IQCK: variants seen among roughly 807,000 people sequenced by gnomAD.
The protein encoded by IQCK is IQ motif containing K.
In IQCK, 29 loss-of-function variants were observed where a neutral mutation model predicts 28.1. The ratio of observed to expected loss-of-function variants is 1.03; its 90% CI spans 0.77 to 1.41. The LOEUF (loss-of-function observed/expected upper bound fraction) is 1.41, where lower values mean the gene tolerates loss of function less well. IQCK is among the 40% of genes most tolerant of loss of function. IQCK has a pLI of 0.00. For synonymous variants in IQCK, 113 were observed against 115.1 expected, an observed-to-expected ratio of 0.98 and a Z score of 0.12; for missense variants, 359 against 314.7, an observed-to-expected ratio of 1.14 and a Z score of -1.07.
intron 9 of IQCK, among the ~76,000 whole-genome samples, chr16:19,841,244 TTTCAAA>T (rs1352421501): frequency 1.3e-5 from 2 of 152,146 alleles, no homozygotes; most frequent in African/African-American, 4.8e-5. Flanking sequence ...TACGAAACCT[TTTCAAA>T]AATGCCTTAC....
intron 4 of IQCK, among the ~76,000 whole-genome samples, chr16:19,757,390 C>T (rs947757055): frequency 1.3e-5 from 2 of 152,104 alleles, no homozygotes; most frequent in Admixed American, 1.3e-4. Flanking sequence ...TCCTCATTTT[C>T]GGCTGGGCGC....
At chr16:19,845,092 C>T (rs1448525002) in intron 9 of IQCK, among the ~76,000 whole-genome samples, 2 of 152,186 alleles carry the variant, frequency 1.3e-5, no homozygotes, top group African/African-American at 2.4e-5. Context: ...GTGTGAGCCA[C>T]CACGCCCTGC....
chr16:19,824,326 T>C (rs2056115283), intron 7 of IQCK, among the ~76,000 whole-genome samples: 1 of 152,158 alleles, frequency 6.6e-6, no homozygotes, highest in Non-Finnish European at 1.5e-5. Flanking sequence ...TTCATGCTCC[T>C]ATGAGAATCT....
At chr16:19,837,610 C>T (rs1315436644) in intron 9 of IQCK, among the ~76,000 whole-genome samples, 1 of 152,146 alleles carries the variant, frequency 6.6e-6, no homozygotes, top group Non-Finnish European at 1.5e-5. Flanking sequence ...ATCTCTGGCA[C>T]AAAGTGAATG....
intron 3 of IQCK, among the ~76,000 whole-genome samples, chr16:19,734,816 C>T (rs1312450044): frequency 1.3e-5 from 2 of 150,360 alleles, no homozygotes; most frequent in Non-Finnish European, 3.0e-5. Flanking sequence ...TAGAAGAAAA[C>T]ATCATCATGC....
chr16:19,774,331 T>G (rs560000239), intron 6 of IQCK, among the ~76,000 whole-genome samples: 1 of 151,986 alleles, frequency 6.6e-6, no homozygotes. Flanking sequence ...TATTATTATA[T>G]TTCATTATTG....
At chr16:19,730,494 G>A (rs1977797974) in exon 2 of IQCK, 5 of 1,605,052 alleles carry the variant, frequency 3.1e-6, no homozygotes, top group East Asian at 2.2e-5. Context: ...CTGTGATTAC[G>A]GTGAGTATTA....
Position 19,718,886 on chromosome 16 carries a change from G to A in IQCK, c.181+399G>A, listed in dbSNP as rs369215762. Among the ~76,000 whole-genome samples the A allele has an allele frequency of 9.8e-5, 15 of 152,334 alleles. No homozygotes were observed. In the South Asian group the frequency reaches 1.9e-3, roughly 19 times the overall value. On this transcript the variant is annotated intron_variant, in intron 1 of 7. Coordinates refer to ENST00000564186, the Ensembl canonical transcript of IQCK. ...CCACAGAGCTTCAAATTGGGATGCA[G>A]GGAATCTGCACTTTTTAAAAGAGCA... is the stretch of plus-strand genomic sequence containing the variant.
At chr16:19,784,734 C>CT (rs1207968465) in intron 6 of IQCK, among the ~76,000 whole-genome samples, 1 of 152,206 alleles carries the variant, frequency 6.6e-6, no homozygotes, top group Non-Finnish European at 1.5e-5. Flanking sequence ...CAGAAGCTTC[C>CT]TGGGGCCCTG....
Position 19,769,736 on chromosome 16 carries a change from T to C in IQCK, c.605+5624T>C, listed in dbSNP as rs561306485. Among the ~76,000 whole-genome samples the C allele has an allele frequency of 7.9e-5, 12 of 152,342 alleles. No individual in the cohort carries two copies. The South Asian group carries it at 2.5e-3, about 32-fold the overall frequency. Reference sequence around the variant, plus strand: ...GAGGTAAAATGGGATTAGGCTGTTTTGGAAAGATAATTCCTGAGACAGTGC... The same window carrying C: ...GAGGTAAAATGGGATTAGGCTGTTTCGGAAAGATAATTCCTGAGACAGTGC... On this transcript the variant is annotated intron_variant, in intron 6 of 7. Transcript: ENST00000564186.
chr16:19,733,286 C>T (rs866635114), intron 2 of IQCK, among the ~76,000 whole-genome samples: 5 of 152,020 alleles, frequency 3.3e-5, no homozygotes, highest in East Asian at 3.9e-4. Context: ...TACAGGCGCC[C>T]GCCACCACGC....
intron 1 of IQCK, among the ~76,000 whole-genome samples, 192 bp downstream of exon 1, chr16:19,718,679 C>T (rs1977352761): frequency 6.6e-6 from 1 of 152,184 alleles, no homozygotes; most frequent in African/African-American, 2.4e-5. Context: ...TTACGCAGCG[C>T]GGACTCCAAT....
intron 4 of IQCK, chr16:19,761,725 A>T: frequency 4.1e-6 from 1 of 241,766 alleles, no homozygotes; most frequent in South Asian, 5.4e-5. Context: ...TCTCCCCATT[A>T]CTCTGGGATG....
At chr16:19,769,360 G>T (rs2055286366) in intron 6 of IQCK, among the ~76,000 whole-genome samples, 1 of 152,212 alleles carries the variant, frequency 6.6e-6, no homozygotes, top group African/African-American at 2.4e-5. Flanking sequence ...TAAGCCTCCA[G>T]TTCCTTATTG....
intron 9 of IQCK, among the ~76,000 whole-genome samples, chr16:19,836,598 C>G (rs902985862): frequency 4.6e-5 from 7 of 152,230 alleles, no homozygotes; most frequent in African/African-American, 1.7e-4. Flanking sequence ...ACTGCAACCT[C>G]CGCCTCCCGG....
intron 9 of IQCK, among the ~76,000 whole-genome samples, chr16:19,839,316 A>G (rs533444512): frequency 1.3e-5 from 2 of 151,726 alleles, no homozygotes; most frequent in African/African-American, 4.8e-5. Flanking sequence ...GCACGCCATC[A>G]CACCCTGCTA....
intron 1 of IQCK, among the ~76,000 whole-genome samples, chr16:19,726,136 G>A (rs539974247): frequency 9.9e-5 from 15 of 151,860 alleles, no homozygotes; most frequent in African/African-American, 3.4e-4. Flanking sequence ...CGATGGTCTC[G>A]ATCTCCTGAC....
intron 6 of IQCK, among the ~76,000 whole-genome samples, chr16:19,781,818 A>G (rs1362138916): frequency 6.6e-6 from 1 of 151,978 alleles, no homozygotes; most frequent in African/African-American, 2.4e-5. Context: ...GTGAAACCCC[A>G]TCTCTACTAA....
intron 1 of IQCK, among the ~76,000 whole-genome samples, chr16:19,724,910 G>T (rs1977607746): frequency 6.6e-6 from 1 of 152,094 alleles, no homozygotes; most frequent in African/African-American, 2.4e-5. Flanking sequence ...ACTCATAATG[G>T]CCTAAACAAA....
Sources: allele counts gnomAD v4.1 joint callset (sites outside exome capture counted in the v4.1 genomes callset), GRCh38; gene constraint gnomAD v4.1.1; transcripts MANE v1.5; gene names NCBI Gene and HGNC (gene_info 2026-07-23, HGNC 2026-07-21).